The following BMPR1A variants were observed in gnomAD, a reference collection of about 807,000 sequenced individuals.
BMPR1A encodes bone morphogenetic protein receptor type-1A.
Under a neutral mutation model 66.0 loss-of-function variants are expected in BMPR1A, and 7 were observed. The observed-to-expected ratio is 0.11, with a 90% CI of 0.06 to 0.20. BMPR1A has a LOEUF of 0.20. Among genes scored for constraint, BMPR1A ranks in the 10% least tolerant of loss-of-function variants. BMPR1A has a pLI of 1.00. For synonymous variants in BMPR1A, 200 were observed against 229.7 expected (o/e 0.87, Z 1.17); for missense variants, 408 against 669.1 (o/e 0.61, Z 4.31).
Position 86,824,105 on chromosome 10 carries a change from G to GTGTGTGTGTGTGTGTGTGTGTGTGTT in BMPR1A, c.-267-14753_-267-14752insGTGTGTGTGTGTGTGTGTTTGTGTGT, listed in dbSNP as rs150991310. Among the ~76,000 whole-genome samples, 550 of 147,364 alleles carry GTGTGTGTGTGTGTGTGTGTGTGTGTT rather than the reference G, an allele frequency of 3.7e-3. 5 individuals carry two copies. The highest frequency in any genetic ancestry group is 0.01 in the South Asian group (47 of 4,552). ...GTTGTGTGTGTGTGTGTGTGTGTGT[G>GTGTGTGTGTGTGTGTGTGTGTGTGTT]TGTGTGTTTCTTTCAGTCTCACTTG... On this transcript the variant is annotated intron_variant, in intron 1 of 12. Coordinates refer to ENST00000372037, the MANE Select transcript of BMPR1A (RefSeq NM_004329.3).
intron 2 of BMPR1A, among the ~76,000 whole-genome samples, chr10:86,865,382 C>T (rs1053253636): frequency 6.6e-6 from 1 of 152,154 alleles, no homozygotes; most frequent in Non-Finnish European, 1.5e-5. Flanking sequence ...AAAAAGCTCC[C>T]CCACTGAGCA....
At chr10:86,871,511 G>A (rs1296748256) in intron 2 of BMPR1A, among the ~76,000 whole-genome samples, 2 of 152,146 alleles carry the variant, frequency 1.3e-5, no homozygotes, top group South Asian at 2.1e-4. Context: ...AAGGGATAAC[G>A]TAGATTATTT....
intron 2 of BMPR1A, among the ~76,000 whole-genome samples, chr10:86,862,936 C>G (rs1342492824): frequency 1.3e-5 from 2 of 150,908 alleles, no homozygotes; most frequent in East Asian, 3.9e-4. Flanking sequence ...TGTATAGTTG[C>G]TGATAACATT....
chr10:86,869,051 C>G (rs1464912915), intron 2 of BMPR1A, among the ~76,000 whole-genome samples: 1 of 152,098 alleles, frequency 6.6e-6, no homozygotes, highest in East Asian at 1.9e-4. Context: ...TCTGCATCTC[C>G]TTATATTCTT....
intron 1 of BMPR1A, among the ~76,000 whole-genome samples, chr10:86,805,913 T>A (rs898955121): frequency 6.0e-5 from 9 of 149,780 alleles, no homozygotes; most frequent in African/African-American, 2.3e-4. Flanking sequence ...TTTTTTTTTT[T>A]AAAGCATTTT....
At chr10:86,757,360 C>G (rs572299826) in intron 1 of BMPR1A, among the ~76,000 whole-genome samples, 7 of 152,308 alleles carry the variant, frequency 4.6e-5, no homozygotes, top group African/African-American at 1.7e-4. Flanking sequence ...GCAGCCGGCC[C>G]GCCCCCGAGT....
chr10:86,916,832 A>G (rs1279611477), intron 8 of BMPR1A, among the ~76,000 whole-genome samples: 2 of 151,976 alleles, frequency 1.3e-5, no homozygotes, highest in East Asian at 3.9e-4. Flanking sequence ...CTCTACTAAA[A>G]ATACAAAAAA....
intron 1 of BMPR1A, among the ~76,000 whole-genome samples, chr10:86,812,838 G>A (rs754632222): frequency 6.6e-6 from 1 of 152,020 alleles, no homozygotes; most frequent in Non-Finnish European, 1.5e-5. Context: ...CTTCATTAGG[G>A]TTCACTCTTG....
chr10:86,817,820 A>T (rs1842056336), intron 1 of BMPR1A, among the ~76,000 whole-genome samples: 1 of 152,206 alleles, frequency 6.6e-6, no homozygotes, highest in Non-Finnish European at 1.5e-5. Context: ...GTTTTCAAAA[A>T]CAAAAAAAAC....
At chr10:86,816,404 G>T (rs993065341) in intron 1 of BMPR1A, among the ~76,000 whole-genome samples, 1 of 151,844 alleles carries the variant, frequency 6.6e-6, no homozygotes, top group Non-Finnish European at 1.5e-5. Flanking sequence ...GGCATTATCC[G>T]CAGCACTGAC....
At chr10:86,866,555 C>G (rs1249265083) in intron 2 of BMPR1A, among the ~76,000 whole-genome samples, 1 of 151,474 alleles carries the variant, frequency 6.6e-6, no homozygotes, top group Non-Finnish European at 1.5e-5. Flanking sequence ...TTTGCAGGTG[C>G]CTGCCACCAC....
chr10:86,902,029 T>C (rs1843318031), intron 7 of BMPR1A, among the ~76,000 whole-genome samples: 1 of 152,082 alleles, frequency 6.6e-6, no homozygotes, highest in African/African-American at 2.4e-5. Context: ...TGGCTAATTT[T>C]TGTATTTTTA....
intron 3 of BMPR1A, 66 bp downstream of exon 3, chr10:86,876,151 C>A: frequency 2.8e-6 from 4 of 1,441,568 alleles, no homozygotes; most frequent in South Asian, 2.3e-5. Context: ...TGCTTCTGTT[C>A]TTTCAACTCA....
rs371281052 is a variant in BMPR1A, at chr10:86,917,097, C to G, written c.676-37C>G. On this transcript the variant is annotated intron_variant, in intron 8 of 12. Transcript: ENST00000372037. ...TTTGCCAGTCTTAATGGGTTTCTTT[C>G]ATCAAGAGCTCAAACCTTTTACTTT... 94 of 1,608,020 alleles carry G rather than the reference C, an allele frequency of 5.8e-5. No individual in the cohort carries two copies. The South Asian group carries it at 9.5e-4, about 16-fold the overall frequency.
chr10:86,915,723 T>C (rs1843558260), intron 8 of BMPR1A, among the ~76,000 whole-genome samples: 1 of 152,056 alleles, frequency 6.6e-6, no homozygotes, highest in Non-Finnish European at 1.5e-5. Context: ...CGAGACTCTG[T>C]CTCAAAAAAA....
At chr10:86,778,844 G>A (rs1381819566) in intron 1 of BMPR1A, among the ~76,000 whole-genome samples, 2 of 150,176 alleles carry the variant, frequency 1.3e-5, no homozygotes, top group African/African-American at 4.9e-5. Flanking sequence ...TTAACTTTCT[G>A]TTCCTGGCTT....
At chr10:86,781,729 A>G (rs189699547) in intron 1 of BMPR1A, among the ~76,000 whole-genome samples, 171 of 151,894 alleles carry the variant, frequency 1.1e-3, no homozygotes, top group African/African-American at 4.0e-3. Context: ...TTCTGTCTCT[A>G]TGAGTTTGAT....
chr10:86,875,346 C>T (rs1424003396), intron 2 of BMPR1A, among the ~76,000 whole-genome samples: 1 of 38 alleles, frequency 0.026, no homozygotes, highest in Non-Finnish European at 0.036. Flanking sequence ...GCACTCCAGC[C>T]TGGGCGACCG....
intron 1 of BMPR1A, among the ~76,000 whole-genome samples, chr10:86,812,016 G>C (rs1161772202): frequency 6.6e-6 from 1 of 151,516 alleles, no homozygotes; most frequent in Non-Finnish European, 1.5e-5. Context: ...AGGAATTTGA[G>C]GGTTGTGGTA....
Sources: gnomAD v4.1 joint callset for allele counts (sites outside exome capture counted in the v4.1 genomes callset) on GRCh38, gnomAD v4.1.1 for gene constraint, MANE v1.5 for transcripts, NCBI Gene and HGNC (gene_info 2026-07-23, HGNC 2026-07-21) for gene names.